The following TLK1 variants were observed in gnomAD, a reference collection of about 807,000 sequenced individuals.
The protein encoded by TLK1 is serine/threonine-protein kinase tousled-like 1.
In TLK1, 24 loss-of-function variants were observed where a neutral mutation model predicts 105.3. The observed-to-expected ratio is 0.23, with a 90% confidence interval of 0.17 to 0.32. TLK1 has a LOEUF of 0.32. Among genes scored for constraint, TLK1 ranks in the 10% least tolerant of loss-of-function variants. The pLI is 1.00. For missense variants in TLK1, 558 were observed against 910.5 expected, an observed-to-expected ratio of 0.61 and a Z score of 4.98; for synonymous variants, 321 against 310.4, an observed-to-expected ratio of 1.03 and a Z score of -0.36.
intron 10 of TLK1, among the ~76,000 whole-genome samples, chr2:171,047,364 T>C (rs1207225947): frequency 6.6e-6 from 1 of 152,198 alleles, no homozygotes; most frequent in Non-Finnish European, 1.5e-5. Context: ...TCCTACATGG[T>C]TACAATACTT....
intron 1 of TLK1, among the ~76,000 whole-genome samples, chr2:171,181,957 A>G (rs560042768): frequency 1.3e-5 from 2 of 152,264 alleles, no homozygotes; most frequent in East Asian, 3.9e-4. Context: ...TACTCTTGCC[A>G]AGACAATTAA....
At chr2:171,047,085 A>C (rs1686998045) in intron 10 of TLK1, among the ~76,000 whole-genome samples, 1 of 152,198 alleles carries the variant, frequency 6.6e-6, no homozygotes, top group Admixed American at 6.5e-5. Context: ...ATGGCTCTGA[A>C]AAATGGGAAA....
intron 1 of TLK1, among the ~76,000 whole-genome samples, chr2:171,217,300 A>G (rs549498306): frequency 2.6e-5 from 4 of 152,356 alleles, no homozygotes; most frequent in East Asian, 3.9e-4. Context: ...TTACAAATCA[A>G]GAGTAGACAG....
In TLK1 at chr2:171,120,619, T is replaced by C. The variant is rs546250294; in HGVS notation, c.140-2762A>G. ...TTCATACCCATTAGGATGGCTGTTA[T>C]CAAAAACTAAAACCCCAAATATACA... On this transcript the variant is annotated intron_variant, in intron 1 of 20. Coordinates refer to ENST00000431350, the MANE Select transcript of TLK1 (RefSeq NM_012290.5). 3.9e-5 allele frequency among the ~76,000 whole-genome samples: 6 copies of C among 152,318 alleles called. 1 individual carries two copies. The highest frequency in any genetic ancestry group is 1.2e-4 in the African/African-American group (5 of 41,570).
At chr2:171,144,301 C>G (rs978602220) in intron 1 of TLK1, among the ~76,000 whole-genome samples, 1 of 152,014 alleles carries the variant, frequency 6.6e-6, no homozygotes, top group Admixed American at 6.6e-5. Context: ...AAACAGAAAA[C>G]AAACACTATA....
At chr2:171,068,691 A>G (rs1265249231) in intron 3 of TLK1, among the ~76,000 whole-genome samples, 3 of 152,188 alleles carry the variant, frequency 2.0e-5, no homozygotes, top group Non-Finnish European at 2.9e-5. Context: ...CTGTCTGTCT[A>G]TCTAGGTTTA....
rs375807377 is a variant in TLK1 at position 171,117,361 on chromosome 2, T to C, written c.258+378A>G. On this transcript the variant is annotated intron_variant, in intron 2 of 20. Coordinates refer to ENST00000431350, the MANE Select transcript of TLK1 (RefSeq NM_012290.5). The stretch of plus-strand genomic sequence containing the variant: ...TTACTAACAGGACTGGTACTGGTCC[T>C]TGGCCCAGGGGTTGAGGACTCCTGG... Among the ~76,000 whole-genome samples the C allele has an allele frequency of 6.6e-5, 10 of 152,308 alleles. No individual in the cohort carries two copies. The South Asian group carries it at 1.7e-3, about 25-fold the overall frequency.
chr2:171,135,232 G>C (rs1057352929), intron 1 of TLK1, among the ~76,000 whole-genome samples: 5 of 151,684 alleles, frequency 3.3e-5, no homozygotes, highest in African/African-American at 4.8e-5. Context: ...CAAATGTCTT[G>C]CTGGAAAAAT....
chr2:171,030,583 A>C (rs1241876805), intron 11 of TLK1, among the ~76,000 whole-genome samples: 1 of 152,152 alleles, frequency 6.6e-6, no homozygotes, highest in African/African-American at 2.4e-5. Flanking sequence ...GTTAGCAAAA[A>C]GCTTCTGGAT....
At chr2:171,054,539 C>T (rs1290059657) in intron 7 of TLK1, 3 of 152,432 alleles carry the variant, frequency 2.0e-5, no homozygotes, top group South Asian at 2.1e-4. Context: ...CTCACAAATA[C>T]AGTCTAATAG....
At chr2:171,184,505 G>T (rs916497700) in intron 1 of TLK1, among the ~76,000 whole-genome samples, 21 of 151,940 alleles carry the variant, frequency 1.4e-4, no homozygotes, top group Non-Finnish European at 2.9e-4. Flanking sequence ...AGCTGGGTGT[G>T]GTGGCTCATG....
intron 1 of TLK1, among the ~76,000 whole-genome samples, chr2:171,157,779 C>A (rs1259924365): frequency 6.6e-6 from 1 of 152,084 alleles, no homozygotes. Context: ...GTTAAGTCTG[C>A]CTAAAAGGAG....
At position 171,142,376 on chromosome 2, in the gene TLK1, A is replaced by G. The variant is rs376181630; in HGVS notation, c.139+17914T>C. ...CAAACATGGTCAAACTAGTTTATTT[A>G]AACTAGTATATGCAACTTAAAAGAT... On this transcript the variant is annotated intron_variant, in intron 1 of 20. Coordinates refer to ENST00000431350, the MANE Select transcript of TLK1 (RefSeq NM_012290.5). Among the ~76,000 whole-genome samples the G allele has an allele frequency of 1.8e-4, 28 of 152,342 alleles. No individual in the cohort carries two copies. The East Asian group carries it at 4.4e-3, about 24-fold the overall frequency.
At chr2:171,228,072 A>G (rs1359604736) in intron 1 of TLK1, among the ~76,000 whole-genome samples, 1 of 152,198 alleles carries the variant, frequency 6.6e-6, no homozygotes, top group Non-Finnish European at 1.5e-5. Flanking sequence ...GCTACTTGGG[A>G]GGCTGAGACA....
rs552720434 is a variant in TLK1 at position 171,053,687 on chromosome 2, A to C, written c.732+74T>G. The C allele has an allele frequency of 1.2e-4, 142 of 1,208,728 alleles. No homozygotes were observed. The African/African-American group carries it at 1.6e-3, about 14-fold the overall frequency. 74.9% of individuals were successfully genotyped at this position (1,208,728 alleles called of 1,614,324 possible). A position where few individuals can be genotyped will look rare whatever the true frequency, so the allele number is the denominator to read the frequency against. On this transcript the variant is annotated intron_variant, in intron 8 of 20. Coordinates refer to ENST00000431350, the MANE Select transcript of TLK1 (RefSeq NM_012290.5). ...AGCTACAGATTTTTTTACAATGCTA[A>C]GTATTTTCTGAACAGTTTGACTGTT...
At chr2:171,049,235 T>G (rs747857879) in intron 10 of TLK1, among the ~76,000 whole-genome samples, 1 of 152,140 alleles carries the variant, frequency 6.6e-6, no homozygotes, top group Admixed American at 6.5e-5. Flanking sequence ...TCAAGCAATA[T>G]ACCCCTGTAA....
At chr2:171,098,600 G>A (rs1689554109) in intron 2 of TLK1, among the ~76,000 whole-genome samples, 1 of 152,108 alleles carries the variant, frequency 6.6e-6, no homozygotes, top group Admixed American at 6.5e-5. Context: ...CCAAAGAACA[G>A]AAGGAACACT....
chr2:171,107,290 G>A (rs1392732408), intron 2 of TLK1, among the ~76,000 whole-genome samples: 1 of 152,116 alleles, frequency 6.6e-6, no homozygotes, highest in Non-Finnish European at 1.5e-5. Context: ...GGTGAGAAAT[G>A]GTGTCCATTT....
chr2:171,080,783 T>C (rs375210831), intron 3 of TLK1, among the ~76,000 whole-genome samples: 31 of 151,992 alleles, frequency 2.0e-4, no homozygotes, highest in African/African-American at 3.1e-4. Context: ...TCATGGCTCA[T>C]TGCAGCTTCG....
Sources: allele counts gnomAD v4.1 joint callset (sites outside exome capture counted in the v4.1 genomes callset), GRCh38; gene constraint gnomAD v4.1.1; transcripts MANE v1.5; gene names NCBI Gene and HGNC (gene_info 2026-07-23, HGNC 2026-07-21).